Variants in CFAP70 observed in about 807,000 individuals in gnomAD.
The protein encoded by CFAP70 is cilia and flagella associated protein 70, also known as cilia- and flagella-associated protein 70.
Under a neutral mutation model 137.6 loss-of-function variants are expected in CFAP70, and 81 were observed. The observed-to-expected ratio is 0.59, with a 90% CI of 0.49 to 0.71. The LOEUF (loss-of-function observed/expected upper bound fraction) is 0.71. Among genes scored for constraint, CFAP70 ranks in the 30% least tolerant of loss-of-function variants. The probability of loss-of-function intolerance (pLI) is 0.00; values close to 1 mark genes in which losing one functional copy is unlikely to be tolerated. For synonymous variants in CFAP70, 382 were observed against 423.6 expected, an observed-to-expected ratio of 0.90 and a Z score of 1.20; for missense variants, 976 against 1,226.7, an observed-to-expected ratio of 0.80 and a Z score of 3.05.
intron 26 of CFAP70, among the ~76,000 whole-genome samples, 193 bp downstream of exon 27, chr10:73,256,175 GA>G (rs1244643934): frequency 1.3e-5 from 2 of 152,144 alleles, no homozygotes; most frequent in Non-Finnish European, 2.9e-5. Flanking sequence ...TAAAGAGCTG[GA>G]AGAAAGATCA....
chr10:73,274,318 G>GAT (rs2046534761), intron 23 of CFAP70, 115 bp downstream of exon 24: 1 of 1,190,082 alleles, frequency 8.4e-7, no homozygotes, highest in Non-Finnish European at 1.2e-6. Flanking sequence ...TTTACCTTTG[G>GAT]ATGTAAAAGT....
chr10:73,293,627 T>C (rs2048332794), intron 15 of CFAP70: 8 of 350,636 alleles, frequency 2.3e-5, no homozygotes, highest in Middle Eastern at 7.9e-4. Context: ...TGGAAGTAAG[T>C]AAAAATTGCT....
chr10:73,286,979 T>TC (rs1457751615), intron 19 of CFAP70, among the ~76,000 whole-genome samples: 1 of 152,210 alleles, frequency 6.6e-6, no homozygotes, highest in Non-Finnish European at 1.5e-5. Flanking sequence ...TAAGCAGTTT[T>TC]CCCCCTTGGG....
At chr10:73,283,470 T>G (rs898313396) in intron 19 of CFAP70, among the ~76,000 whole-genome samples, 2 of 152,106 alleles carry the variant, frequency 1.3e-5, no homozygotes, top group African/African-American at 4.8e-5. Context: ...TGCATCTCCC[T>G]TCGGCCCTGT....
chr10:73,317,958 G>T (rs985887309), intron 9 of CFAP70, among the ~76,000 whole-genome samples: 2 of 152,150 alleles, frequency 1.3e-5, no homozygotes, highest in Admixed American at 6.5e-5. Context: ...TTGTTAAAAA[G>T]TAATCTGGCA....
At chr10:73,308,922 AAAG>A (rs1422351404) in intron 12 of CFAP70, among the ~76,000 whole-genome samples, 2 of 152,068 alleles carry the variant, frequency 1.3e-5, no homozygotes, top group African/African-American at 4.8e-5. Flanking sequence ...CACATACACT[AAAG>A]AAGAAGAAAA....
chr10:73,309,322 T>G (rs1387523454), intron 12 of CFAP70, among the ~76,000 whole-genome samples: 1 of 152,188 alleles, frequency 6.6e-6, no homozygotes, highest in Non-Finnish European at 1.5e-5. Flanking sequence ...TAAACAGTTT[T>G]TTTAAATTAC....
chr10:73,296,942 T>G, intron 15 of CFAP70, 100 bp downstream of exon 16: 1 of 1,416,362 alleles, frequency 7.1e-7, no homozygotes, highest in East Asian at 2.3e-5. Flanking sequence ...GAGCAGACAC[T>G]TCAATAAATA....
At position 73,272,732 on chromosome 10, in the gene CFAP70, T is replaced by A. The variant is rs897364773; in HGVS notation, c.2925+196A>T. ...TGGTTCAGGTTTTTCTGGGATTTTTTAAAAAGATCTTTTATTTTTCTAGCT... is the reference window on the plus strand; with the variant it reads ...TGGTTCAGGTTTTTCTGGGATTTTTAAAAAAGATCTTTTATTTTTCTAGCT... On this transcript the variant is annotated intron_variant, in intron 24 of 26. Transcript: ENST00000310715. 8.6e-5 allele frequency: 57 copies of A among 662,646 alleles called. No homozygotes were observed. The African/African-American group carries it at 9.8e-4, about 11-fold the overall frequency. The allele number at this position is 662,646 out of a possible 1,614,324, so 41.0% of individuals were successfully genotyped here. A position where few individuals can be genotyped will look rare whatever the true frequency, so the allele number is the denominator to read the frequency against.
rs767996206 is a variant in CFAP70 at position 73,297,191 on chromosome 10, CA to C, written c.1513-19del. ...ACAGCATGCTGCAAGACACACAGAT[CA>C]CCCATCTGATAATACAGTCCAGCAC... On this transcript the variant is annotated intron_variant, in intron 14 of 26. Coordinates refer to ENST00000310715, the Ensembl canonical transcript of CFAP70. 1 of 1,607,472 alleles carries C rather than the reference CA, an allele frequency of 6.2e-7. No homozygotes were observed. Among genetic ancestry groups the C allele is most frequent in the Non-Finnish European group, 8.5e-7 (1 of 1,177,026 alleles).
At chr10:73,289,906 G>T (rs1473078627) in intron 19 of CFAP70, among the ~76,000 whole-genome samples, 1 of 152,056 alleles carries the variant, frequency 6.6e-6, no homozygotes, top group Non-Finnish European at 1.5e-5. Flanking sequence ...TTAGCCAGGT[G>T]TGGTGGCACA....
intron 3 of CFAP70, among the ~76,000 whole-genome samples, chr10:73,351,011 G>A (rs545858728): frequency 2.6e-4 from 38 of 144,900 alleles, no homozygotes; most frequent in South Asian, 1.7e-3. Flanking sequence ...ATGTGTGTAT[G>A]TGTGTGTATA....
At chr10:73,297,767 T>C (rs2048647950) in intron 14 of CFAP70, among the ~76,000 whole-genome samples, 1 of 152,208 alleles carries the variant, frequency 6.6e-6, no homozygotes. Context: ...CCCACTAAGG[T>C]AACATTATTG....
intron 23 of CFAP70, 130 bp downstream of exon 24, chr10:73,274,303 G>T: frequency 9.2e-7 from 1 of 1,092,228 alleles, no homozygotes; most frequent in Non-Finnish European, 1.3e-6. Context: ...TGTTGGGCAA[G>T]TCACTTTACC....
chr10:73,312,747 AT>A (rs1360776104), intron 9 of CFAP70, 104 bp from the exon 11 acceptor site: 1 of 1,012,324 alleles, frequency 9.9e-7, no homozygotes. Context: ...CAATTTCGAC[AT>A]TTAATATCAG....
intron 15 of CFAP70, 163 bp downstream of exon 16, chr10:73,296,879 G>A (rs6480690): frequency 0.085 from 55,405 of 652,322 alleles, 3,542 homozygotes; most frequent in East Asian, 0.27. Flanking sequence ...GTCTTAAACT[G>A]ATTAGGCTTA....
exon 15 of CFAP70, chr10:73,297,054 T>C: frequency 1.9e-6 from 3 of 1,613,662 alleles, no homozygotes; most frequent in Non-Finnish European, 2.5e-6. Flanking sequence ...GGTTTAGGGC[T>C]ACATGCATCT....
intron 4 of CFAP70, among the ~76,000 whole-genome samples, chr10:73,347,855 A>T (rs2053850528): frequency 6.6e-6 from 1 of 152,190 alleles, no homozygotes; most frequent in Non-Finnish European, 1.5e-5. Flanking sequence ...CTCAAGAGTT[A>T]TTTCCATGGT....
chr10:73,264,870 T>G (rs1056823377), intron 25 of CFAP70, among the ~76,000 whole-genome samples: 5 of 152,190 alleles, frequency 3.3e-5, no homozygotes, highest in Middle Eastern at 3.2e-3. Context: ...TTAAAAAATA[T>G]ACGAAACATT....
Sources: gnomAD v4.1 joint callset for allele counts (sites outside exome capture counted in the v4.1 genomes callset) on GRCh38, gnomAD v4.1.1 for gene constraint, MANE v1.5 for transcripts, NCBI Gene and HGNC (gene_info 2026-07-23, HGNC 2026-07-21) for gene names.